The following ANO10 variants were observed in gnomAD, a reference collection of about 807,000 sequenced individuals.
The protein encoded by ANO10 is anoctamin-10.
A neutral mutation model predicts 74.7 loss-of-function variants in ANO10; 77 were observed. The observed-to-expected ratio is 1.03, with a 90% CI of 0.86 to 1.25. ANO10 has a LOEUF of 1.25. Ranked by LOEUF, ANO10 falls within the 50% of genes most tolerant of loss-of-function variation. ANO10 has a pLI of 0.00. For synonymous variants in ANO10, 279 were observed against 284.9 expected, an observed-to-expected ratio of 0.98 and a Z score of 0.21; for missense variants, 721 against 778.1, an observed-to-expected ratio of 0.93 and a Z score of 0.87.
chr3:43,578,714 C>T (rs946770983), intron 5 of ANO10, among the ~76,000 whole-genome samples: 1 of 135,468 alleles, frequency 7.4e-6, no homozygotes, highest in Non-Finnish European at 1.5e-5. Flanking sequence ...CACACCATTG[C>T]ACTCCGGCAT....
intron 1 of ANO10, among the ~76,000 whole-genome samples, chr3:43,619,381 A>G (rs1191094801): frequency 6.6e-6 from 1 of 152,204 alleles, no homozygotes; most frequent in African/African-American, 2.4e-5. Flanking sequence ...AGGTCTGTAG[A>G]TTACACTAAT....
chr3:43,394,240 C>CT (rs147343692), intron 12 of ANO10, among the ~76,000 whole-genome samples: 12 of 152,244 alleles, frequency 7.9e-5, no homozygotes, highest in Non-Finnish European at 1.2e-4. Flanking sequence ...GCATCACCAC[C>CT]TCTCATGGTC....
At chr3:43,683,460 C>T (rs1408386078) in intron 1 of ANO10, among the ~76,000 whole-genome samples, 2 of 152,194 alleles carry the variant, frequency 1.3e-5, no homozygotes, top group South Asian at 2.1e-4. Context: ...ACATTCCATG[C>T]TCATGGCTAG....
intron 12 of ANO10, among the ~76,000 whole-genome samples, chr3:43,396,458 C>T (rs1269166061): frequency 2.6e-5 from 4 of 152,050 alleles, no homozygotes; most frequent in Non-Finnish European, 5.9e-5. Context: ...CCTGCCTCAG[C>T]CTCCCAAGTA....
intron 1 of ANO10, among the ~76,000 whole-genome samples, chr3:43,614,787 A>C (rs1293822389): frequency 7.6e-6 from 1 of 130,956 alleles, no homozygotes; most frequent in African/African-American, 2.7e-5. Context: ...ATATATATAT[A>C]TATATATATA....
At chr3:43,592,106 G>A (rs971974707) in intron 4 of ANO10, among the ~76,000 whole-genome samples, 3 of 152,224 alleles carry the variant, frequency 2.0e-5, no homozygotes, top group Non-Finnish European at 4.4e-5. Context: ...CTGGAAGCTC[G>A]AACTGGGTGG....
intron 10 of ANO10, among the ~76,000 whole-genome samples, chr3:43,552,713 T>C (rs1378146880): frequency 7.5e-6 from 1 of 133,254 alleles, no homozygotes; most frequent in Admixed American, 7.9e-5. Flanking sequence ...TATATATATA[T>C]ATATATATAT....
intron 1 of ANO10, among the ~76,000 whole-genome samples, chr3:43,647,062 T>C (rs1367456966): frequency 1.3e-5 from 2 of 152,064 alleles, no homozygotes; most frequent in African/African-American, 4.8e-5. Context: ...CATTGGAGTA[T>C]GATTCCTTTG....
intron 11 of ANO10, among the ~76,000 whole-genome samples, chr3:43,494,062 T>C (rs1237878408): frequency 1.3e-5 from 2 of 152,146 alleles, no homozygotes; most frequent in African/African-American, 4.8e-5. Context: ...CATGGTGAAA[T>C]AATAAGGCTA....
At chr3:43,555,241 A>G (rs906663086) in intron 10 of ANO10, 37 bp downstream of exon 10, 2 of 1,600,620 alleles carry the variant, frequency 1.2e-6, no homozygotes, top group Non-Finnish European at 1.7e-6. Flanking sequence ...TCGTATTTTT[A>G]TTTTTTAAAG....
At chr3:43,592,334 G>C (rs984605113) in intron 4 of ANO10, among the ~76,000 whole-genome samples, 5 of 152,224 alleles carry the variant, frequency 3.3e-5, no homozygotes, top group Admixed American at 1.3e-4. Context: ...TAGCCTAACT[G>C]GGAGGCAACT....
Position 43,561,263 on chromosome 3 carries a change from A to G in ANO10, c.1433T>C (p.Leu478Ser). Reference sequence around the variant, plus strand: ...TTTTTCCAGGATGACTTGTTCATATAATGTAGCATCAATGTCTGCCTTTAA... The same window carrying G: ...TTTTTCCAGGATGACTTGTTCATATGATGTAGCATCAATGTCTGCCTTTAA... ...QALKADIDAT[L>S]YEQVILEKEM... Residue 478 changes from leucine (L) to serine (S), a missense_variant, in exon 9 of 13, where the codon TTA becomes TCA. By Grantham distance (145) the Leu-to-Ser change is moderately radical. Coordinates refer to ENST00000292246, the MANE Select transcript of ANO10 (RefSeq NM_018075.5). The G allele has an allele frequency of 6.2e-7, 1 of 1,614,196 alleles. No individual in the cohort carries two copies. The highest frequency in any genetic ancestry group is 8.5e-7 in the Non-Finnish European group (1 of 1,180,030).
chr3:43,535,663 G>A (rs2078681560), intron 11 of ANO10, among the ~76,000 whole-genome samples: 1 of 152,122 alleles, frequency 6.6e-6, no homozygotes, highest in Admixed American at 6.6e-5. Flanking sequence ...ACAGTTCTCA[G>A]ACCAGCACAG....
intron 12 of ANO10, among the ~76,000 whole-genome samples, chr3:43,399,694 T>C (rs2092445347): frequency 1.3e-5 from 2 of 152,142 alleles, no homozygotes; most frequent in Admixed American, 6.5e-5. Context: ...CAGTCAATGT[T>C]TGTATTTAGG....
chr3:43,532,836 A>G (rs2078534012), intron 11 of ANO10, among the ~76,000 whole-genome samples: 2 of 152,240 alleles, frequency 1.3e-5, no homozygotes, highest in African/African-American at 4.8e-5. Flanking sequence ...ATTCAAATAC[A>G]AAGTGATATG....
At chr3:43,463,582 C>A (rs2149033425) in intron 11 of ANO10, among the ~76,000 whole-genome samples, 1 of 152,230 alleles carries the variant, frequency 6.6e-6, no homozygotes, top group South Asian at 2.1e-4. Flanking sequence ...GGCCTGTAGC[C>A]CCTTTGTTTT....
chr3:43,486,020 G>A (rs1047003064), intron 11 of ANO10: 7 of 265,716 alleles, frequency 2.6e-5, no homozygotes, highest in South Asian at 2.5e-4. Context: ...CACAGGGCCA[G>A]CAGACAGAAG....
At chr3:43,660,578 C>T (rs1199635300) in intron 1 of ANO10, among the ~76,000 whole-genome samples, 1 of 152,074 alleles carries the variant, frequency 6.6e-6, no homozygotes, top group East Asian at 1.9e-4. Context: ...ACAAAGCTTC[C>T]AAGACATATG....
chr3:43,628,158 C>A (rs1021087346), intron 1 of ANO10, among the ~76,000 whole-genome samples: 1 of 152,142 alleles, frequency 6.6e-6, no homozygotes, highest in Non-Finnish European at 1.5e-5. Flanking sequence ...GTTTACTCAG[C>A]AAGGAGGTGT....
Sources: gnomAD v4.1 joint callset for allele counts (sites outside exome capture counted in the v4.1 genomes callset) on GRCh38, gnomAD v4.1.1 for gene constraint, MANE v1.5 for transcripts, NCBI Gene and HGNC (gene_info 2026-07-23, HGNC 2026-07-21) for gene names.